The following KIF9 variants were observed in gnomAD, a reference collection of about 807,000 sequenced individuals.
The protein encoded by KIF9 is kinesin family member 9, also known as kinesin-like protein KIF9.
A neutral mutation model predicts 94.8 loss-of-function variants in KIF9; 68 were observed. That is an observed-to-expected ratio of 0.72 (90% CI 0.59 to 0.88). The LOEUF is 0.88. Among genes scored for constraint, KIF9 ranks in the 40% least tolerant of loss-of-function variants. The pLI is 0.00. For missense variants in KIF9, 882 were observed against 982.5 expected, an observed-to-expected ratio of 0.90 and a Z score of 1.37; for synonymous variants, 343 against 362.1, an observed-to-expected ratio of 0.95 and a Z score of 0.60.
intron 17 of KIF9, chr3:47,240,129 T>TTTTTAATGATAC: frequency 5.7e-6 from 2 of 351,382 alleles, no homozygotes; most frequent in South Asian, 2.4e-5. Context: ...TGGTGGGCCT[T>TTTTTAATGATAC]GGCCCTCAGT....
intron 16 of KIF9, 33 bp from the exon 17 acceptor site, chr3:47,241,048 A>G (rs1310075516): frequency 1.0e-5 from 16 of 1,593,898 alleles, no homozygotes; most frequent in Non-Finnish European, 1.4e-5. Flanking sequence ...AAAGAGGATA[A>G]ATGAGGTGGC....
intron 2 of KIF9, among the ~76,000 whole-genome samples, chr3:47,276,005 C>A (rs2107515499): frequency 6.6e-6 from 1 of 152,142 alleles, no homozygotes; most frequent in East Asian, 1.9e-4. Context: ...ATGAAAGCCA[C>A]AGAGAAGGCT....
intron 10 of KIF9, among the ~76,000 whole-genome samples, chr3:47,249,476 A>T (rs1700134142): frequency 6.6e-6 from 1 of 152,138 alleles, no homozygotes; most frequent in Non-Finnish European, 1.5e-5. Flanking sequence ...CTTACAAACA[A>T]TGCTGCAAGA....
In KIF9 at chr3:47,244,866, C is replaced by T. The variant is rs1486424131; in HGVS notation, c.1439G>A (p.Gly480Glu). The T allele has an allele frequency of 6.2e-7, 1 of 1,614,174 alleles. No homozygotes were observed. Among genetic ancestry groups the T allele is most frequent in the African/African-American group, 1.3e-5 (1 of 75,040 alleles). The stretch of plus-strand genomic sequence containing the variant: ...GGTAGAGAAAGGGGCGACTCCGAGT[C>T]CAAAGTTTTGTCCTTCAGGCTCACC... ...LVGEPEGQNFGLGVAPFSTKP... is the reference protein window; with the variant it reads ...LVGEPEGQNFELGVAPFSTKP... Residue 480 changes from glycine (G) to glutamate (E), a missense_variant, in exon 15 of 21, where the codon GGA becomes GAA. Coordinates refer to ENST00000684063, the MANE Select transcript of KIF9 (RefSeq NM_182902.4).
intron 10 of KIF9, chr3:47,250,725 C>T: frequency 4.5e-6 from 1 of 220,412 alleles, no homozygotes; most frequent in East Asian, 1.3e-4. Context: ...GAACTTCAAG[C>T]TGAGAACCCT....
At position 47,264,924 on chromosome 3, in the gene KIF9, T is replaced by A. The variant is rs975933673; in HGVS notation, c.917-574A>T. Reference sequence around the variant, plus strand: ...GACCAGAACCCTCTCTTTCTTTCCATGTGAGGATACGCGAGAAGGTAGCCA... The same window carrying A: ...GACCAGAACCCTCTCTTTCTTTCCAAGTGAGGATACGCGAGAAGGTAGCCA... On this transcript the variant is annotated intron_variant, in intron 8 of 20. Transcript: ENST00000684063. Among the ~76,000 whole-genome samples, 23 of 152,328 alleles carry A rather than the reference T, an allele frequency of 1.5e-4. 1 individual carries two copies. The highest frequency in any genetic ancestry group is 2.9e-4 in the Non-Finnish European group (20 of 68,026).
At chr3:47,266,026 CGATT>C in intron 7 of KIF9, 149 bp from the exon 8 acceptor site, 1 of 711,056 alleles carries the variant, frequency 1.4e-6, no homozygotes, top group Non-Finnish European at 2.3e-6. Context: ...CAATGTCATG[CGATT>C]GTATTCCATC....
intron 5 of KIF9, among the ~76,000 whole-genome samples, 193 bp from the exon 6 acceptor site, chr3:47,267,456 C>T (rs1025269771): frequency 1.3e-5 from 2 of 152,180 alleles, no homozygotes; most frequent in Admixed American, 6.5e-5. Flanking sequence ...CACTTTCACC[C>T]GCCGCTGGGG....
chr3:47,247,466 G>A lies in KIF9; in HGVS notation c.1140C>T (p.Thr380=). 6.2e-7 allele frequency: 1 copy of A among 1,613,150 alleles called. No homozygotes were observed. ...LAIHDSLTNR[T]FVTYDPMDEI... is the part of the protein sequence containing the mutation. ...CATCCATGGGGTCATAGGTCACAAAGGTGCGGTTGGTCTTGAAGGAGGATG... is the reference window on the plus strand; with the variant it reads ...CATCCATGGGGTCATAGGTCACAAAAGTGCGGTTGGTCTTGAAGGAGGATG... The change falls in exon 12 of 21, where the codon ACC becomes ACT. Residue 380 remains threonine, a synonymous_variant. Transcript: ENST00000684063.
intron 1 of KIF9, among the ~76,000 whole-genome samples, chr3:47,280,343 A>C (rs1702249813): frequency 6.6e-6 from 1 of 152,172 alleles, no homozygotes; most frequent in African/African-American, 2.4e-5. Context: ...GAAGCAGGGG[A>C]GCTCTGGGAG....
chr3:47,282,388 G>C (rs1032196926), intron 1 of KIF9, 107 bp downstream of exon 1: 1 of 986,340 alleles, frequency 1.0e-6, no homozygotes, highest in East Asian at 1.1e-4. Flanking sequence ...CGACCCAGCT[G>C]GGAACCCCCA....
At chr3:47,264,428 T>C in intron 8 of KIF9, 78 bp from the exon 9 acceptor site, 1 of 1,150,018 alleles carries the variant, frequency 8.7e-7, no homozygotes, top group Non-Finnish European at 1.3e-6. Flanking sequence ...GTCTGTTATA[T>C]ACTGAATGCT....
chr3:47,274,569 G>A (rs1701844647), intron 3 of KIF9, among the ~76,000 whole-genome samples: 1 of 152,236 alleles, frequency 6.6e-6, no homozygotes, highest in Non-Finnish European at 1.5e-5. Flanking sequence ...GTTGGAGCCA[G>A]AAATGGTGTC....
At chr3:47,267,095 A>G in intron 6 of KIF9, 27 bp from the exon 7 acceptor site, 1 of 1,609,260 alleles carries the variant, frequency 6.2e-7, no homozygotes, top group Non-Finnish European at 8.5e-7. Context: ...CAGAAGTTAG[A>G]CTGTCACAGG....
chr3:47,252,277 T>C (rs1700318912), intron 10 of KIF9, among the ~76,000 whole-genome samples: 1 of 152,152 alleles, frequency 6.6e-6, no homozygotes, highest in African/African-American at 2.4e-5. Flanking sequence ...ATGCAGATCT[T>C]AGAACACAAA....
At chr3:47,240,137 A>C in intron 17 of KIF9, 4 of 327,762 alleles carry the variant, frequency 1.2e-5, no homozygotes, top group South Asian at 5.4e-5. Flanking sequence ...CTTGGCCCTC[A>C]GTGCAGGTGT....
chr3:47,248,094 G>A lies in KIF9; in HGVS notation c.1060-8C>T. On this transcript the variant is annotated splice_region_variant and splice_polypyrimidine_tract_variant and intron_variant, in intron 10 of 20. Transcript: ENST00000684063. ...CAGGTTCTTGACCATTCTCTGCCGG[G>A]AAACATGGTAGGGTGGGGGCCGACA... 1 of 1,611,446 alleles carries A rather than the reference G, an allele frequency of 6.2e-7. No homozygotes were observed. Among genetic ancestry groups the A allele is most frequent in the Non-Finnish European group, 8.5e-7 (1 of 1,178,018 alleles).
intron 5 of KIF9, among the ~76,000 whole-genome samples, 161 bp downstream of exon 5, chr3:47,271,076 C>T (rs969485995): frequency 1.3e-5 from 2 of 151,056 alleles, no homozygotes; most frequent in Admixed American, 6.6e-5. Flanking sequence ...CCCAGGAGGT[C>T]GAGGCTGCAG....
At chr3:47,250,549 G>A (rs1351607813) in intron 10 of KIF9, 29 of 479,872 alleles carry the variant, frequency 6.0e-5, no homozygotes, top group South Asian at 2.7e-4. Context: ...TGCCAATGTC[G>A]TAACAAGGTT....
Sources: gnomAD v4.1 joint callset for allele counts (sites outside exome capture counted in the v4.1 genomes callset) on GRCh38, gnomAD v4.1.1 for gene constraint, MANE v1.5 for transcripts, NCBI Gene and HGNC (gene_info 2026-07-23, HGNC 2026-07-21) for gene names.